Variants in SLC25A43 observed in about 807,000 individuals in gnomAD.
SLC25A43 encodes solute carrier family 25, member 43.
Under a neutral mutation model 22.8 loss-of-function variants are expected in SLC25A43, and 10 were observed. That is an observed-to-expected ratio of 0.44 (90% CI 0.27 to 0.74). The LOEUF is 0.74. SLC25A43 is among the 30% of genes least tolerant of loss of function. The probability of loss-of-function intolerance (pLI) is 0.17; values close to 1 mark genes in which losing one functional copy is unlikely to be tolerated. For synonymous variants in SLC25A43, 106 were observed against 121.6 expected, an observed-to-expected ratio of 0.87 and a Z score of 0.84; for missense variants, 233 against 279.1, an observed-to-expected ratio of 0.83 and a Z score of 1.18.
intron 3 of SLC25A43, among the ~76,000 whole-genome samples, chrX:119,412,946 C>A (rs1211127253): frequency 2.7e-5 from 3 of 109,608 alleles, no homozygotes; most frequent in Non-Finnish European, 5.7e-5. Flanking sequence ...ATAGCGAGAC[C>A]TTGTCTCTAC....
intron 1 of SLC25A43, among the ~76,000 whole-genome samples, chrX:119,406,033 A>G (rs1203911769): frequency 1.8e-5 from 2 of 108,889 alleles, no homozygotes; most frequent in Non-Finnish European, 3.8e-5. Flanking sequence ...CTCTGCCTCA[A>G]AAAAAAAAAA....
intron 1 of SLC25A43, 135 bp downstream of exon 1, chrX:119,399,813 C>T (rs906581005): frequency 1.4e-6 from 1 of 705,293 alleles, no homozygotes; most frequent in Non-Finnish European, 1.9e-6. Context: ...CACCTGGGGA[C>T]CCCTCGGGGC....
intron 3 of SLC25A43, among the ~76,000 whole-genome samples, chrX:119,412,611 A>G (rs1177492961): frequency 9.0e-6 from 1 of 111,648 alleles, no homozygotes; most frequent in Non-Finnish European, 1.9e-5. Flanking sequence ...CCTGAGCTCA[A>G]GAGATCCACC....
chrX:119,411,672 A>C (rs2052350559), intron 3 of SLC25A43, among the ~76,000 whole-genome samples: 1 of 111,412 alleles, frequency 9.0e-6, no homozygotes, highest in South Asian at 3.8e-4. Context: ...ATATCTGTAC[A>C]GTGGGGGCAG....
Position 119,399,595 on chromosome X carries a change from G to A in SLC25A43, c.192G>A (p.Gly64=). The A allele has an allele frequency of 9.6e-7, 1 of 1,040,634 alleles. No individual in the cohort carries two copies. The highest frequency in any genetic ancestry group is 4.0e-5 in the East Asian group (1 of 24,894). 85.8% of individuals were successfully genotyped at this position (1,040,634 alleles called of 1,213,427 possible). Residue 64 remains glycine (G), a synonymous_variant, in exon 1 of 5, where the codon GGG becomes GGA. Transcript: ENST00000217909. ...GGCACCGGGTGTGGCGGGCAGAGGGGCTCCGGGCCCTGTGGAAGGGGAACG... is the reference window on the plus strand; with the variant it reads ...GGCACCGGGTGTGGCGGGCAGAGGGACTCCGGGCCCTGTGGAAGGGGAACG... The part of the protein sequence containing the change: ...ATGHRVWRAE[G]LRALWKGNAV...
chrX:119,426,254 A>G (rs1256909712), intron 3 of SLC25A43: 1 of 753,715 alleles, frequency 1.3e-6, no homozygotes, highest in African/African-American at 2.3e-5. Flanking sequence ...TCAGTGGGTA[A>G]CAGTGTGAGC....
intron 2 of SLC25A43, among the ~76,000 whole-genome samples, chrX:119,409,299 G>A (rs2052326654): frequency 9.2e-6 from 1 of 109,206 alleles, no homozygotes; most frequent in Admixed American, 9.9e-5. Flanking sequence ...TCGTGCCTCA[G>A]CCTCCCAAGT....
chrX:119,424,037 AC>A (rs1280996847), intron 3 of SLC25A43: 1 of 110,028 alleles, frequency 9.1e-6, no homozygotes, highest in African/African-American at 3.3e-5. Context: ...ACACGGTGAA[AC>A]CCCGTCTCTA....
intron 3 of SLC25A43, among the ~76,000 whole-genome samples, chrX:119,443,780 C>G (rs1279734860): frequency 9.1e-6 from 1 of 109,527 alleles, no homozygotes; most frequent in Non-Finnish European, 1.9e-5. Context: ...GGGTTTTTCT[C>G]TGTTGCCCAG....
intron 2 of SLC25A43, among the ~76,000 whole-genome samples, chrX:119,409,364 A>G (rs967184326): frequency 2.8e-5 from 3 of 107,828 alleles, no homozygotes; most frequent in African/African-American, 1.0e-4. Context: ...TATTTTTAGT[A>G]GAGATGGAGT....
intron 3 of SLC25A43, among the ~76,000 whole-genome samples, chrX:119,421,813 C>T (rs1389319199): frequency 8.9e-6 from 1 of 112,241 alleles, no homozygotes; most frequent in Admixed American, 9.5e-5. Context: ...AACTAACAAT[C>T]TACTCAGTTA....
rs150514174 is a variant in SLC25A43, at chrX:119,433,754, C to G, written c.691-18255C>G. ...GAAGGTCAAATGATGGGTAAGGAAACTGACCCTTGCTTAAGAGAGATGATG... is the reference window on the plus strand; with the variant it reads ...GAAGGTCAAATGATGGGTAAGGAAAGTGACCCTTGCTTAAGAGAGATGATG... On this transcript the variant is annotated intron_variant, in intron 3 of 4. Transcript: ENST00000217909. 6.0e-3 allele frequency among the ~76,000 whole-genome samples: 674 copies of G among 111,729 alleles called. 6 individuals carry two copies. Among genetic ancestry groups the G allele is most frequent in the African/African-American group, 0.019 (587 of 30,784 alleles).
intron 2 of SLC25A43, among the ~76,000 whole-genome samples, chrX:119,407,992 T>G (rs1233466564): frequency 9.0e-6 from 1 of 111,113 alleles, no homozygotes; most frequent in African/African-American, 3.3e-5. Context: ...TCTTGGTATC[T>G]CCTGCCCCAG....
intron 3 of SLC25A43, chrX:119,434,761 ACCTGTGAATAG>A (rs1161657811): frequency 9.3e-6 from 1 of 107,729 alleles, no homozygotes; most frequent in Non-Finnish European, 1.9e-5. Context: ...GTGGGATTCC[ACCTGTGAATAG>A]CCTGTGTTGC....
chrX:119,426,369 T>C (rs2089361489), intron 3 of SLC25A43: 1 of 340,678 alleles, frequency 2.9e-6, no homozygotes, highest in Non-Finnish European at 3.8e-6. Context: ...GAATGGTGCC[T>C]ACCTCATCTA....
intron 1 of SLC25A43, among the ~76,000 whole-genome samples, chrX:119,405,543 G>A (rs1339507670): frequency 1.1e-5 from 1 of 93,018 alleles, no homozygotes; most frequent in East Asian, 3.6e-4. Context: ...CAGATCACTT[G>A]AGCCCAGGAG....
intron 3 of SLC25A43, chrX:119,422,811 T>C (rs754552380): frequency 3.6e-4 from 40 of 112,381 alleles, no homozygotes; most frequent in African/African-American, 1.2e-3. Flanking sequence ...TCAGGTTCTA[T>C]GCATCTCAGT....
intron 3 of SLC25A43, among the ~76,000 whole-genome samples, chrX:119,435,618 C>G (rs1281275816): frequency 1.9e-3 from 91 of 47,219 alleles, no homozygotes; most frequent in African/African-American, 7.2e-3. Flanking sequence ...ATCCCTCCCC[C>G]CTCCCCCGAC....
intron 3 of SLC25A43, among the ~76,000 whole-genome samples, chrX:119,432,112 CAAAA>C (rs751051302): frequency 2.1e-4 from 17 of 79,955 alleles, no homozygotes; most frequent in African/African-American, 7.9e-4. Context: ...GAGATCGCTC[CAAAA>C]AAAAAAAAAG....
Sources: gnomAD v4.1 joint callset for allele counts (sites outside exome capture counted in the v4.1 genomes callset) on GRCh38, gnomAD v4.1.1 for gene constraint, MANE v1.5 for transcripts, NCBI Gene and HGNC (gene_info 2026-07-23, HGNC 2026-07-21) for gene names.